Variants in C3orf49 observed in about 807,000 individuals in gnomAD.
The protein encoded by C3orf49 is chromosome 3 open reading frame 49.
A neutral mutation model predicts 13.3 loss-of-function variants in C3orf49; 27 were observed. The ratio of observed to expected loss-of-function variants is 2.02; its 90% CI spans 1.49 to 2.79. The LOEUF (loss-of-function observed/expected upper bound fraction) is 2.79. C3orf49 is among the 30% of genes most tolerant of loss of function. The pLI, the probability that C3orf49 is intolerant of heterozygous loss-of-function variation, is 0.00. For synonymous variants in C3orf49, 87 were observed against 47.6 expected (o/e 1.83, Z -3.40); for missense variants, 242 against 134.2 (o/e 1.80, Z -3.97).
At chr3:63,789,804 C>T in the C3orf49 span, among the ~76,000 whole-genome samples, 2 of 107,972 alleles carry the variant, frequency 1.9e-5, no homozygotes, top group East Asian at 5.9e-4. Flanking sequence ...GAGCAAGACT[C>T]TGTCTCAAAA....
chr3:63,789,020 G>T, the C3orf49 span, among the ~76,000 whole-genome samples: 2 of 151,942 alleles, frequency 1.3e-5, no homozygotes, highest in African/African-American at 4.8e-5. Context: ...CTTACAACAG[G>T]GGTTCCCCAA....
chr3:63,784,045 T>C, the C3orf49 span, among the ~76,000 whole-genome samples: 1 of 152,172 alleles, frequency 6.6e-6, no homozygotes, highest in Non-Finnish European at 1.5e-5. Flanking sequence ...TCAGTGACCC[T>C]AGAAGCTCTG....
the C3orf49 span, among the ~76,000 whole-genome samples, chr3:63,790,598 C>CTT: frequency 1.2e-4 from 17 of 137,732 alleles, 1 homozygote; most frequent in African/African-American, 4.0e-4. Context: ...ACATCTACCT[C>CTT]TTTTTTTTTT....
the C3orf49 span, among the ~76,000 whole-genome samples, chr3:63,811,579 A>AC: frequency 1.2e-4 from 18 of 151,452 alleles, no homozygotes; most frequent in African/African-American, 1.7e-4. Flanking sequence ...ACAAAACAAA[A>AC]AAAAAAACAA....
At chr3:63,841,765 G>A (rs1701766155) in intron 5 of C3orf49, among the ~76,000 whole-genome samples, 1 of 152,126 alleles carries the variant, frequency 6.6e-6, no homozygotes, top group Admixed American at 6.6e-5. Flanking sequence ...CATAGTCCTT[G>A]AAGAGATTAA....
chr3:63,816,506 A>T (rs539732505), upstream of C3orf49, among the ~76,000 whole-genome samples: 1 of 151,832 alleles, frequency 6.6e-6, no homozygotes, highest in South Asian at 2.1e-4. Flanking sequence ...GAATCGCTTG[A>T]ACCCAGAAGG....
chr3:63,817,763 C>T (rs1319515299), upstream of C3orf49, among the ~76,000 whole-genome samples: 1 of 152,088 alleles, frequency 6.6e-6, no homozygotes, highest in Non-Finnish European at 1.5e-5. Flanking sequence ...AGTGTTTCAG[C>T]CTATTACATA....
chr3:63,830,813 TTTC>T (rs1701522590), intron 3 of C3orf49, among the ~76,000 whole-genome samples: 1 of 152,154 alleles, frequency 6.6e-6, no homozygotes, highest in African/African-American at 2.4e-5. Context: ...GCAGAGGCAA[TTTC>T]TTCTTCTTCC....
At chr3:63,810,154 A>T in the C3orf49 span, among the ~76,000 whole-genome samples, 1 of 152,150 alleles carries the variant, frequency 6.6e-6, no homozygotes, top group African/African-American at 2.4e-5. Context: ...TCAAAAAAAA[A>T]AAAGTCATGG....
chr3:63,808,964 C>CT, the C3orf49 span, among the ~76,000 whole-genome samples: 27 of 149,958 alleles, frequency 1.8e-4, no homozygotes, highest in South Asian at 6.4e-4. Context: ...AATTAATGTG[C>CT]TTTTTTTTTT....
chr3:63,797,877 G>T, the C3orf49 span, among the ~76,000 whole-genome samples: 2 of 152,092 alleles, frequency 1.3e-5, no homozygotes, highest in Non-Finnish European at 2.9e-5. Flanking sequence ...ATTTAGGTAG[G>T]TCTAGATGTG....
In C3orf49 at chr3:63,841,332, A is replaced by T. The variant is rs374185828; in HGVS notation, c.850-3691A>T. Among the ~76,000 whole-genome samples, 3 of 152,334 alleles carry T rather than the reference A, an allele frequency of 2.0e-5. No homozygotes were observed. In the East Asian group the frequency reaches 5.8e-4, roughly 29 times the overall value. ...GAGGGACTACAGATAGAGGTGGGAA[A>T]AGATAATTTTCCTGCATGTCTTTGT... On this transcript the variant is annotated intron_variant, in intron 5 of 6. Transcript: ENST00000295896.
intron 5 of C3orf49, chr3:63,838,325 A>G: frequency 7.7e-7 from 1 of 1,302,972 alleles, no homozygotes; most frequent in South Asian, 1.4e-5. Flanking sequence ...TGTTTCCTTT[A>G]GACCATAAAA....
At chr3:63,829,366 A>G (rs1034550968) in intron 3 of C3orf49, among the ~76,000 whole-genome samples, 1 of 152,168 alleles carries the variant, frequency 6.6e-6, no homozygotes, top group Non-Finnish European at 1.5e-5. Context: ...TTGGGCATTC[A>G]TACAGAAAAA....
intron 5 of C3orf49, among the ~76,000 whole-genome samples, chr3:63,839,186 T>A (rs1183948698): frequency 1.3e-5 from 2 of 151,956 alleles, no homozygotes. Context: ...TGAGACTCTG[T>A]CTCACAAAAA....
the C3orf49 span, among the ~76,000 whole-genome samples, chr3:63,812,062 A>T: frequency 2.0e-5 from 3 of 152,008 alleles, no homozygotes; most frequent in African/African-American, 7.2e-5. Flanking sequence ...CTGGGGTGCC[A>T]CTCCTCTGCC....
Position 63,819,503 on chromosome 3 carries a change from C to T in C3orf49, c.32C>T (p.Pro11Leu). The part of the protein sequence containing the change: MAQPQLYLPE[P>L]FKIAYRKVGQ... ...CAACCTCAGCTGTATCTACCAGAACCCTTTAAGATTGCCTACAGAAAAGTT... is the reference window on the plus strand; with the variant it reads ...CAACCTCAGCTGTATCTACCAGAACTCTTTAAGATTGCCTACAGAAAAGTT... The change falls in exon 1 of 7, where the codon CCC becomes CTC. Residue 11 changes from proline to leucine, a missense_variant. By Grantham distance (98) the Pro-to-Leu change is moderately conservative (BLOSUM62 -3). Transcript: ENST00000295896. 1.4e-6 allele frequency: 1 copy of T among 702,990 alleles called. No homozygotes were observed. Among genetic ancestry groups the T allele is most frequent in the Non-Finnish European group, 2.6e-6 (1 of 384,956 alleles). The allele number at this position is 702,990 out of a possible 1,614,324, so 43.5% of individuals were successfully genotyped here.
At chr3:63,787,637 G>A in the C3orf49 span, among the ~76,000 whole-genome samples, 1 of 152,072 alleles carries the variant, frequency 6.6e-6, no homozygotes, top group Admixed American at 6.6e-5. Flanking sequence ...GGCCATCACC[G>A]GGAAAGCCAC....
In C3orf49 at chr3:63,835,117, C is replaced by T. The variant is rs774333281; in HGVS notation, c.849+3273C>T. ...TACATCCCTGGGTCATTTAAAAAAT[C>T]TTCATAAGCATTTACTTTGAGACTA... On this transcript the variant is annotated intron_variant, in intron 5 of 6. Transcript: ENST00000295896. 7 of 1,601,430 alleles carry T rather than the reference C, an allele frequency of 4.4e-6. No individual in the cohort carries two copies. In the South Asian group the frequency reaches 7.8e-5, roughly 18 times the overall value.
Sources: allele counts gnomAD v4.1 joint callset (sites outside exome capture counted in the v4.1 genomes callset), GRCh38; gene constraint gnomAD v4.1.1; transcripts MANE v1.5; gene names NCBI Gene and HGNC (gene_info 2026-07-23, HGNC 2026-07-21).